Variants in MAP3K20 observed in about 807,000 individuals in gnomAD.
MAP3K20 encodes mitogen-activated protein kinase kinase kinase 20.
In MAP3K20, 40 loss-of-function variants were observed where a neutral mutation model predicts 85.7. The ratio of observed to expected loss-of-function variants is 0.47; its 90% CI spans 0.36 to 0.61. MAP3K20 has a LOEUF of 0.61. MAP3K20 is among the 20% of genes least tolerant of loss of function. The pLI is 0.00. For synonymous variants in MAP3K20, 325 were observed against 327.7 expected (o/e 0.99, Z 0.09); for missense variants, 817 against 961.7 (o/e 0.85, Z 1.99).
intron 19 of MAP3K20, among the ~76,000 whole-genome samples, chr2:173,265,510 A>G (rs1432463064): frequency 6.6e-6 from 1 of 152,130 alleles, no homozygotes; most frequent in Non-Finnish European, 1.5e-5. Flanking sequence ...AACAATCTCT[A>G]GCTGTCTCAA....
In MAP3K20 at chr2:173,217,243, A is replaced by G. The variant is rs1345964642; in HGVS notation, c.980A>G (p.Asn327Ser). Residue 327 changes from asparagine (N) to serine (S), a missense_variant, in exon 11 of 20, where the codon AAC (asparagine) becomes AGC (serine). Coordinates refer to ENST00000375213, the MANE Select transcript of MAP3K20 (RefSeq NM_016653.3). ...MWEQKLTEQS[N>S]TPLLPSFEIG... ...GAGCAAAAGCTGACAGAGCAGTCCA[A>G]CACCCCGGTGAGTACCCTCCCCCTT... 13 of 1,580,764 alleles carry G rather than the reference A, an allele frequency of 8.2e-6. No individual in the cohort carries two copies. Among genetic ancestry groups the G allele is most frequent in the East Asian group, 6.9e-5 (3 of 43,286 alleles).
At chr2:173,259,704 G>A (rs998012557) in intron 17 of MAP3K20, among the ~76,000 whole-genome samples, 2 of 152,312 alleles carry the variant, frequency 1.3e-5, no homozygotes, top group East Asian at 3.9e-4. Flanking sequence ...TTTGCAAGTG[G>A]ACATCAAGCA....
chr2:173,117,755 A>G (rs748493751), intron 2 of MAP3K20, among the ~76,000 whole-genome samples: 2 of 152,238 alleles, frequency 1.3e-5, no homozygotes, highest in African/African-American at 2.4e-5. Flanking sequence ...ATTTTTGGCT[A>G]CAGAAATTTT....
chr2:173,190,372 A>C (rs1230883729), intron 5 of MAP3K20, among the ~76,000 whole-genome samples: 1 of 152,234 alleles, frequency 6.6e-6, no homozygotes, highest in African/African-American at 2.4e-5. Flanking sequence ...GAGCAAAGAC[A>C]GTGGCAGACT....
In MAP3K20 at chr2:173,223,403, C is replaced by T. The variant is rs1044086884; in HGVS notation, c.987+6153C>T. On this transcript the variant is annotated intron_variant, in intron 11 of 19. Transcript: ENST00000375213. ...TAAAAGAAATAATATATGTAAAGCA[C>T]TTTAACACAGCACCAGGCCCACGGA... 3.1e-6 allele frequency: 3 copies of T among 955,110 alleles called. No individual in the cohort carries two copies. The African/African-American group carries it at 5.3e-5, about 17-fold the overall frequency. 59.2% of individuals were successfully genotyped at this position (955,110 alleles called of 1,614,324 possible).
chr2:173,223,579 A>G (rs1684308097), intron 11 of MAP3K20: 3 of 985,466 alleles, frequency 3.0e-6, no homozygotes, highest in Non-Finnish European at 3.6e-6. Flanking sequence ...CAGGAAAGAT[A>G]AAGAGAACAT....
chr2:173,256,522 T>C (rs62174393), intron 16 of MAP3K20, among the ~76,000 whole-genome samples: 14,698 of 75,816 alleles, frequency 0.19, 1,122 homozygotes, highest in East Asian at 0.42. Flanking sequence ...GATAGATAGA[T>C]AGATAGATAG....
chr2:173,163,696 A>C (rs1689731082), intron 2 of MAP3K20, among the ~76,000 whole-genome samples: 1 of 152,192 alleles, frequency 6.6e-6, no homozygotes, highest in Non-Finnish European at 1.5e-5. Flanking sequence ...TGCTATTGTG[A>C]ATAGTGCTGG....
At chr2:173,144,630 C>G (rs1689085534) in intron 2 of MAP3K20, among the ~76,000 whole-genome samples, 1 of 151,854 alleles carries the variant, frequency 6.6e-6, no homozygotes, top group Admixed American at 6.6e-5. Flanking sequence ...CCTGGGAGTT[C>G]AAAGCTACAG....
intron 16 of MAP3K20, among the ~76,000 whole-genome samples, chr2:173,242,476 AT>A (rs1684811104): frequency 6.6e-6 from 1 of 151,884 alleles, no homozygotes; most frequent in African/African-American, 2.4e-5. Flanking sequence ...CCAAGAAAAT[AT>A]TTTCAATTAA....
intron 2 of MAP3K20, among the ~76,000 whole-genome samples, chr2:173,153,462 A>G (rs1269196915): frequency 2.6e-5 from 4 of 152,230 alleles, no homozygotes; most frequent in Admixed American, 6.5e-5. Context: ...ATTTCCAACA[A>G]TGCATCACTG....
At position 173,267,702 on chromosome 2, in the gene MAP3K20, T is replaced by G. The variant is rs1685455065; in HGVS notation, c.*952T>G. Reference sequence around the variant, plus strand: ...CACTCCATAAAGGCCTCTTGGGATGTCAGAAATCTAAAATCTAAAAGAAAA... The same window carrying G: ...CACTCCATAAAGGCCTCTTGGGATGGCAGAAATCTAAAATCTAAAAGAAAA... On this transcript the variant is annotated 3_prime_UTR_variant, in exon 20 of 20. Coordinates refer to ENST00000375213, the MANE Select transcript of MAP3K20 (RefSeq NM_016653.3). The G allele has an allele frequency of 6.6e-6, 1 of 152,182 alleles. No individual in the cohort carries two copies. The highest frequency in any genetic ancestry group is 2.4e-5 in the African/African-American group (1 of 41,432). The allele number at this position is 152,182 out of a possible 1,614,324, so 9.4% of individuals were successfully genotyped here. A position where few individuals can be genotyped will look rare whatever the true frequency, so the allele number is the denominator to read the frequency against.
intron 2 of MAP3K20, among the ~76,000 whole-genome samples, chr2:173,115,174 T>TA (rs1161503778): frequency 6.6e-6 from 1 of 152,228 alleles, no homozygotes; most frequent in East Asian, 1.9e-4. Context: ...TCTGAATTTT[T>TA]ATCTTCTACT....
chr2:173,224,518 C>A (rs1208451059), intron 11 of MAP3K20: 1 of 985,230 alleles, frequency 1.0e-6, no homozygotes, highest in Non-Finnish European at 1.2e-6. Context: ...TTCCTCATTT[C>A]TTTACTGCTG....
intron 2 of MAP3K20, among the ~76,000 whole-genome samples, chr2:173,145,662 G>A (rs896617896): frequency 3.3e-5 from 5 of 152,086 alleles, no homozygotes; most frequent in African/African-American, 9.7e-5. Flanking sequence ...TATGTTTTTG[G>A]GGGGAGTGTG....
intron 10 of MAP3K20, chr2:173,210,988 T>G (rs1173254372): frequency 6.6e-6 from 1 of 152,248 alleles, no homozygotes; most frequent in Non-Finnish European, 1.5e-5. Flanking sequence ...AGCTCAAGTC[T>G]AGGTATAAGG....
chr2:173,258,559 T>C, intron 16 of MAP3K20, 140 bp from the exon 17 acceptor site: 3 of 583,854 alleles, frequency 5.1e-6, no homozygotes, highest in Admixed American at 3.3e-5. Context: ...TAATTTCATG[T>C]CCTTTTATTG....
intron 5 of MAP3K20, among the ~76,000 whole-genome samples, chr2:173,189,840 A>G (rs16861323): frequency 0.071 from 10,755 of 152,126 alleles, 1,107 homozygotes; most frequent in East Asian, 0.57. Context: ...GTGATCCTAC[A>G]TCCTAAATAT....
chr2:173,222,467 CTG>C (rs1414354022), intron 11 of MAP3K20: 3 of 985,736 alleles, frequency 3.0e-6, no homozygotes, highest in Non-Finnish European at 3.6e-6. Flanking sequence ...TAACAACACA[CTG>C]TCATTTAAGG....
Sources: allele counts gnomAD v4.1 joint callset (sites outside exome capture counted in the v4.1 genomes callset), GRCh38; gene constraint gnomAD v4.1.1; transcripts MANE v1.5; gene names NCBI Gene and HGNC (gene_info 2026-07-23, HGNC 2026-07-21).